ROR2: variants seen among roughly 807,000 people sequenced by gnomAD.
ROR2 encodes ROR family WNT receptor 2, also known as tyrosine-protein kinase transmembrane receptor ROR2.
In ROR2, 33 loss-of-function variants were observed where a neutral mutation model predicts 74.9. The observed-to-expected ratio is 0.44, with a 90% CI of 0.33 to 0.59. The LOEUF (loss-of-function observed/expected upper bound fraction) is 0.59, where lower values mean the gene tolerates loss of function less well. Ranked by LOEUF, ROR2 falls within the 20% of genes least tolerant of loss-of-function variation. The probability of loss-of-function intolerance (pLI) is 0.02; values close to 1 mark genes in which losing one functional copy is unlikely to be tolerated. For synonymous variants in ROR2, 586 were observed against 558.7 expected (o/e 1.05, Z -0.69); for missense variants, 1,216 against 1,313.8 (o/e 0.93, Z 1.15).
At chr9:91,779,465 G>T (rs1826540648) in intron 1 of ROR2, among the ~76,000 whole-genome samples, 1 of 150,952 alleles carries the variant, frequency 6.6e-6, no homozygotes, top group African/African-American at 2.4e-5. Flanking sequence ...CTGCCTCCCG[G>T]GTCCAAGCGA....
At chr9:91,803,308 C>T (rs549079360) in intron 1 of ROR2, among the ~76,000 whole-genome samples, 6 of 152,274 alleles carry the variant, frequency 3.9e-5, no homozygotes, top group Non-Finnish European at 7.4e-5. Context: ...AGCCACAAAA[C>T]GACAAAGGCT....
chr9:91,742,231 G>C (rs1825277562), intron 4 of ROR2, among the ~76,000 whole-genome samples: 1 of 152,154 alleles, frequency 6.6e-6, no homozygotes, highest in South Asian at 2.1e-4. Flanking sequence ...ACTGTGACAA[G>C]AACAGCACAG....
At chr9:91,876,704 G>A (rs1829964570) in intron 1 of ROR2, among the ~76,000 whole-genome samples, 1 of 152,062 alleles carries the variant, frequency 6.6e-6, no homozygotes, top group African/African-American at 2.4e-5. Flanking sequence ...AATATCATCA[G>A]AATGCAATAA....
intron 1 of ROR2, among the ~76,000 whole-genome samples, chr9:91,949,630 C>A (rs954292657): frequency 6.6e-6 from 1 of 152,128 alleles, no homozygotes; most frequent in African/African-American, 2.4e-5. Context: ...GCCGCCCGCC[C>A]CCAGACTCTG....
chr9:91,742,149 A>T (rs1825273326), intron 4 of ROR2, among the ~76,000 whole-genome samples: 1 of 152,196 alleles, frequency 6.6e-6, no homozygotes, highest in South Asian at 2.1e-4. Flanking sequence ...TTACATTGGC[A>T]GCGGCAAGAG....
chr9:91,949,801 G>A (rs1832122288), intron 1 of ROR2, 66 bp downstream of exon 1: 2 of 1,033,656 alleles, frequency 1.9e-6, no homozygotes, highest in Non-Finnish European at 2.9e-6. Context: ...CATAGTGGCG[G>A]CGGAAGGGCT....
intron 1 of ROR2, among the ~76,000 whole-genome samples, chr9:91,945,872 C>A (rs1037943304): frequency 2.0e-5 from 3 of 152,204 alleles, no homozygotes; most frequent in Non-Finnish European, 4.4e-5. Flanking sequence ...TCCAACTTGG[C>A]AAGCTCTTCA....
At position 91,878,655 on chromosome 9, in the gene ROR2, G is replaced by C. The variant is rs1319660327; in HGVS notation, c.97+71212C>G. Among the ~76,000 whole-genome samples the C allele has an allele frequency of 5.3e-5, 8 of 152,286 alleles. No individual in the cohort carries two copies. In the East Asian group the frequency reaches 1.5e-3, roughly 29 times the overall value. On this transcript the variant is annotated intron_variant, in intron 1 of 8. Transcript: ENST00000375708. ...ACTTGGAGGCTGAAGCCAAACCATA[G>C]CCCATCATTCTCTGAGAAGCACACT...
intron 1 of ROR2, among the ~76,000 whole-genome samples, chr9:91,800,168 C>T (rs954301079): frequency 6.6e-6 from 1 of 152,006 alleles, no homozygotes; most frequent in Non-Finnish European, 1.5e-5. Context: ...ATGGTGAAAC[C>T]CTGTCTCTAC....
rs1208561867 is a variant in ROR2, at chr9:91,733,244, C to T, written c.815G>A (p.Arg272His). The change falls in exon 6 of 9, where the codon CGC becomes CAC. Residue 272 changes from arginine (R) to histidine (H), a missense_variant. Physicochemically the swap from Arg to His is conservative, Grantham distance 29. Coordinates refer to ENST00000375708, the MANE Select transcript of ROR2 (RefSeq NM_004560.4). The surrounding 1 kb of genome is among the most constrained non-coding windows in gnomAD (Gnocchi z 5.7). ...DLCRQEYTIARSNPLILMRLQ... is the reference protein window; with the variant it reads ...DLCRQEYTIAHSNPLILMRLQ... ...CCGCATGAGGATGAGCGGGTTGGAG[C>T]GGGCGATGGTGTACTCCTGGCGGCA... is the stretch of plus-strand genomic sequence containing the variant. 1 of 1,612,648 alleles carries T rather than the reference C, an allele frequency of 6.2e-7. No individual in the cohort carries two copies. Among genetic ancestry groups the T allele is most frequent in the African/African-American group, 1.3e-5 (1 of 75,040 alleles).
intron 1 of ROR2, among the ~76,000 whole-genome samples, chr9:91,822,253 G>A (rs1457824344): frequency 6.6e-6 from 1 of 152,188 alleles, no homozygotes; most frequent in Non-Finnish European, 1.5e-5. Context: ...GGGTCCCTGA[G>A]CACACCAGCA....
rs1447417870 is a variant in ROR2, at chr9:91,853,189, G to A, written c.98-77371C>T. 3.3e-5 allele frequency among the ~76,000 whole-genome samples: 5 copies of A among 152,208 alleles called. No individual in the cohort carries two copies. The South Asian group carries it at 6.2e-4, about 19-fold the overall frequency. On this transcript the variant is annotated intron_variant, in intron 1 of 8. Coordinates refer to ENST00000375708, the MANE Select transcript of ROR2 (RefSeq NM_004560.4). ...CCCTGGGATTGCCAGGCCTGAGTCCGGAGACCAAAACAGCAGGGCTCCTCC... is the reference window on the plus strand; with the variant it reads ...CCCTGGGATTGCCAGGCCTGAGTCCAGAGACCAAAACAGCAGGGCTCCTCC...
At position 91,770,915 on chromosome 9, in the gene ROR2, A is replaced by G. The variant is rs112334981; in HGVS notation, c.175+4826T>C. On this transcript the variant is annotated intron_variant, in intron 2 of 8. Coordinates refer to ENST00000375708, the MANE Select transcript of ROR2 (RefSeq NM_004560.4). ...CAATAATTCGGCCGATATGACCTAC[A>G]TGAACTGGGAAACTGATGCTTGGTA... Among the ~76,000 whole-genome samples, 7 of 152,304 alleles carry G rather than the reference A, an allele frequency of 4.6e-5. 2 individuals carry two copies. Among genetic ancestry groups the G allele is most frequent in the African/African-American group, 1.7e-4 (7 of 41,572 alleles).
intron 1 of ROR2, among the ~76,000 whole-genome samples, chr9:91,791,670 A>G (rs188299962): frequency 6.6e-6 from 1 of 152,358 alleles, no homozygotes; most frequent in Non-Finnish European, 1.5e-5. Context: ...TTTCGATAAC[A>G]GAAGAACTAG....
chr9:91,895,603 G>A (rs1830515873), intron 1 of ROR2, among the ~76,000 whole-genome samples: 1 of 152,162 alleles, frequency 6.6e-6, no homozygotes, highest in South Asian at 2.1e-4. Context: ...CTAGCACTTT[G>A]GAGGCTGAGG....
intron 2 of ROR2, among the ~76,000 whole-genome samples, chr9:91,767,477 A>T (rs1826094973): frequency 6.6e-6 from 1 of 152,250 alleles, no homozygotes; most frequent in African/African-American, 2.4e-5. Flanking sequence ...TGATCAGTCC[A>T]GGAAGATCAA....
At chr9:91,844,133 G>C (rs977568710) in intron 1 of ROR2, among the ~76,000 whole-genome samples, 4 of 152,220 alleles carry the variant, frequency 2.6e-5, no homozygotes. Context: ...GCATAAATCA[G>C]AATGTGTTTT....
chr9:91,763,108 T>C (rs1199902799), intron 2 of ROR2, among the ~76,000 whole-genome samples: 2 of 151,874 alleles, frequency 1.3e-5, no homozygotes, highest in African/African-American at 4.8e-5. Context: ...CACTTATAAG[T>C]GGGAATAAAA....
intron 1 of ROR2, among the ~76,000 whole-genome samples, chr9:91,926,144 G>A (rs1315776729): frequency 6.6e-6 from 1 of 152,050 alleles, no homozygotes; most frequent in Non-Finnish European, 1.5e-5. Flanking sequence ...CACTTTGGGA[G>A]GCCGAGGCGG....
Sources: allele counts gnomAD v4.1 joint callset (sites outside exome capture counted in the v4.1 genomes callset), GRCh38; gene constraint gnomAD v4.1.1; non-coding constraint Gnocchi (gnomAD v3.1); transcripts MANE v1.5; gene names NCBI Gene and HGNC (gene_info 2026-07-23, HGNC 2026-07-21).